Variants in CCDC50 observed in about 807,000 individuals in gnomAD.
CCDC50 encodes coiled-coil domain-containing protein 50.
In CCDC50, 54 loss-of-function variants were observed where a neutral mutation model predicts 70.2. The observed-to-expected ratio is 0.77, with a 90% confidence interval of 0.62 to 0.96. CCDC50 has a LOEUF of 0.96. Ranked by LOEUF, CCDC50 falls within the 50% of genes least tolerant of loss-of-function variation. The probability of loss-of-function intolerance (pLI) is 0.00; values close to 1 mark genes in which losing one functional copy is unlikely to be tolerated. For synonymous variants in CCDC50, 216 were observed against 198.8 expected, an observed-to-expected ratio of 1.09 and a Z score of -0.73; for missense variants, 558 against 578.7, an observed-to-expected ratio of 0.96 and a Z score of 0.37.
At chr3:191,335,842 C>A (rs1375697873) in intron 1 of CCDC50, among the ~76,000 whole-genome samples, 2 of 151,970 alleles carry the variant, frequency 1.3e-5, no homozygotes, top group African/African-American at 4.8e-5. Context: ...GTGTGTAGTT[C>A]TGAGTTTTGA....
rs1389695073 is a variant in CCDC50 at position 191,375,549 on chromosome 3, A to G, written c.936A>G (p.Pro312=). The G allele has an allele frequency of 6.2e-7, 1 of 1,613,326 alleles. No homozygotes were observed. Among genetic ancestry groups the G allele is most frequent in the African/African-American group, 1.3e-5 (1 of 74,890 alleles). Residue 312 remains proline, a synonymous_variant, in exon 6 of 12, where the codon CCA becomes CCG. Coordinates refer to ENST00000392455, the MANE Select transcript of CCDC50 (RefSeq NM_178335.3). ...GGAGACACAGGCCCAGGACTCCTCC[A>G]TTCTCAGAGAGTGAGGAGCAGCTCC... is the stretch of plus-strand genomic sequence containing the variant. The part of the protein sequence containing the change: ...RKRRHRPRTP[P]FSESEEQLHL...
intron 1 of CCDC50, among the ~76,000 whole-genome samples, chr3:191,355,724 A>G (rs1712256371): frequency 6.6e-6 from 1 of 152,224 alleles, no homozygotes; most frequent in Non-Finnish European, 1.5e-5. Context: ...AGAATATGAA[A>G]AGCTGATGAA....
chr3:191,363,019 A>G (rs1712548417), intron 4 of CCDC50, among the ~76,000 whole-genome samples: 1 of 152,026 alleles, frequency 6.6e-6, no homozygotes, highest in Non-Finnish European at 1.5e-5. Flanking sequence ...CTTCTATTTA[A>G]AAAATACCAG....
chr3:191,382,902 G>A (rs1713369656), intron 10 of CCDC50, 77 bp downstream of exon 10: 3 of 1,091,494 alleles, frequency 2.7e-6, no homozygotes, highest in Admixed American at 1.8e-5. Context: ...CCTAAGAAGA[G>A]TGTATGTTTT....
intron 10 of CCDC50, among the ~76,000 whole-genome samples, chr3:191,385,679 GTTATAT>G (rs1713466526): frequency 8.3e-6 from 1 of 120,312 alleles, no homozygotes; most frequent in South Asian, 2.8e-4. Flanking sequence ...TTTTGATTTT[GTTATAT>G]TTGTTTATTT....
chr3:191,393,802 C>G lies in CCDC50; in HGVS notation c.*2042C>G, dbSNP rs1322833626. On this transcript the variant is annotated 3_prime_UTR_variant, in exon 12 of 12. Transcript: ENST00000392455. ...TAGGCCTTGTTTACTTATAGTAATG[C>G]TATATTTTTCTTTATCTGCCCTGTG... 1 of 151,952 alleles carries G rather than the reference C, an allele frequency of 6.6e-6. No homozygotes were observed. Among genetic ancestry groups the G allele is most frequent in the East Asian group, 1.9e-4 (1 of 5,196 alleles). 9.4% of individuals were successfully genotyped at this position (151,952 alleles called of 1,614,324 possible).
intron 1 of CCDC50, among the ~76,000 whole-genome samples, chr3:191,336,585 G>A (rs1711525665): frequency 1.3e-5 from 2 of 151,982 alleles, no homozygotes; most frequent in Non-Finnish European, 2.9e-5. Context: ...TACACAGTTT[G>A]CCCATGTCCA....
At chr3:191,343,789 TA>T (rs1711815875) in intron 1 of CCDC50, among the ~76,000 whole-genome samples, 1 of 152,224 alleles carries the variant, frequency 6.6e-6, no homozygotes. Context: ...AAGTGCTTGG[TA>T]AAGTATTAGA....
rs560963315 is a variant in CCDC50 at position 191,349,127 on chromosome 3, G to A, written c.50-7961G>A. ...GTTGGTTTTGCTAATGATATTGGCGGTAGTGATATTGATGTCATTTTGTTG... is the reference window on the plus strand; with the variant it reads ...GTTGGTTTTGCTAATGATATTGGCGATAGTGATATTGATGTCATTTTGTTG... On this transcript the variant is annotated intron_variant, in intron 1 of 11. Transcript: ENST00000392455. Among the ~76,000 whole-genome samples the A allele has an allele frequency of 6.4e-5, 9 of 141,548 alleles. No individual in the cohort carries two copies. In the East Asian group the frequency reaches 9.7e-4, roughly 15 times the overall value. The allele number at this position is 141,548 out of a possible 152,430, so 92.9% of individuals were successfully genotyped here.
chr3:191,382,317 CAT>C (rs373934971), intron 9 of CCDC50, among the ~76,000 whole-genome samples: 29 of 152,276 alleles, frequency 1.9e-4, no homozygotes, highest in East Asian at 5.8e-4. Flanking sequence ...CAGCCTAAGA[CAT>C]GTGTGCGGAA....
Position 191,383,103 on chromosome 3 carries a change from T to C in CCDC50, c.1322+278T>C, listed in dbSNP as rs187272044. Among the ~76,000 whole-genome samples the C allele has an allele frequency of 1.1e-3, 167 of 152,322 alleles. 3 individuals carry two copies. The highest frequency in any genetic ancestry group is 0.011 in the Admixed American group (167 of 15,272). On this transcript the variant is annotated intron_variant, in intron 10 of 11. Coordinates refer to ENST00000392455, the MANE Select transcript of CCDC50 (RefSeq NM_178335.3). ...CTTACCTCTGCATTCACTGAATTTA[T>C]GCTTTCAGCTTGGGGAATGAGAGTG...
intron 1 of CCDC50, among the ~76,000 whole-genome samples, chr3:191,331,627 A>G (rs941761771): frequency 2.0e-5 from 3 of 152,170 alleles, no homozygotes; most frequent in Non-Finnish European, 2.9e-5. Context: ...GTCTTTGTAA[A>G]CATCTGACTT....
chr3:191,346,843 C>T (rs566976016), intron 1 of CCDC50, among the ~76,000 whole-genome samples: 6 of 152,174 alleles, frequency 3.9e-5, no homozygotes, highest in South Asian at 4.1e-4. Context: ...AATTTGACAA[C>T]GATTAAAACC....
At chr3:191,358,159 A>C in intron 3 of CCDC50, 35 bp downstream of exon 3, 1 of 1,613,106 alleles carries the variant, frequency 6.2e-7, no homozygotes. Flanking sequence ...GTGATGCAAG[A>C]CTGGTTTTCT....
intron 1 of CCDC50, among the ~76,000 whole-genome samples, chr3:191,342,719 T>C (rs992221027): frequency 1.3e-5 from 2 of 152,176 alleles, no homozygotes; most frequent in African/African-American, 4.8e-5. Context: ...AAAAGTGCCA[T>C]TCAAGTAGTG....
intron 1 of CCDC50, among the ~76,000 whole-genome samples, chr3:191,337,054 T>C (rs552816153): frequency 2.6e-5 from 4 of 151,412 alleles, no homozygotes; most frequent in South Asian, 4.2e-4. Flanking sequence ...GCCATACTTA[T>C]TCATTTACAT....
At chr3:191,331,925 T>A (rs1718001663) in intron 1 of CCDC50, among the ~76,000 whole-genome samples, 1 of 152,214 alleles carries the variant, frequency 6.6e-6, no homozygotes, top group Non-Finnish European at 1.5e-5. Flanking sequence ...TAGTTTAATA[T>A]TCTGATGCAG....
rs1454632456 is a variant in CCDC50 at position 191,395,266 on chromosome 3, T to A, written c.*3506T>A. 1 of 152,178 alleles carries A rather than the reference T, an allele frequency of 6.6e-6. No homozygotes were observed. Among genetic ancestry groups the A allele is most frequent in the Non-Finnish European group, 1.5e-5 (1 of 67,996 alleles). The allele number at this position is 152,178 out of a possible 1,614,324, so 9.4% of individuals were successfully genotyped here. A position where few individuals can be genotyped will look rare whatever the true frequency, so the allele number is the denominator to read the frequency against. On this transcript the variant is annotated 3_prime_UTR_variant, in exon 12 of 12. Transcript: ENST00000392455. ...TCTTTGCTGACTGTTGCTCATCACT[T>A]TCTCTCAAAGTTAGAACTTTTCAGT...
At chr3:191,344,538 T>C (rs992551242) in intron 1 of CCDC50, among the ~76,000 whole-genome samples, 5 of 152,206 alleles carry the variant, frequency 3.3e-5, no homozygotes, top group Admixed American at 6.5e-5. Context: ...ATAGAACATA[T>C]TGATTTTGGT....
Sources: gnomAD v4.1 joint callset for allele counts (sites outside exome capture counted in the v4.1 genomes callset) on GRCh38, gnomAD v4.1.1 for gene constraint, MANE v1.5 for transcripts, NCBI Gene and HGNC (gene_info 2026-07-23, HGNC 2026-07-21) for gene names.